Variants in BRINP2 observed in about 807,000 individuals in gnomAD.
BRINP2 encodes BMP/retinoic acid-inducible neural-specific protein 2.
In BRINP2, 21 loss-of-function variants were observed where a neutral mutation model predicts 69.2. The observed-to-expected ratio is 0.30, with a 90% CI of 0.22 to 0.44. BRINP2 has a LOEUF of 0.44. BRINP2 is among the 20% of genes least tolerant of loss of function. The probability of loss-of-function intolerance (pLI) is 1.00; values close to 1 mark genes in which losing one functional copy is unlikely to be tolerated. For missense variants in BRINP2, 877 were observed against 986.0 expected (o/e 0.89, Z 1.48); for synonymous variants, 380 against 394.1 (o/e 0.96, Z 0.42).
rs1651663873 is a variant in BRINP2 at position 177,280,619 on chromosome 1, C to T, written c.1443C>T (p.Asn481=). ...ATAGCACACGCTGTGGGAGCTGCAACCCGGGCTATGTGCTGGCCCAGGGGC... is the reference window on the plus strand; with the variant it reads ...ATAGCACACGCTGTGGGAGCTGCAATCCGGGCTATGTGCTGGCCCAGGGGC... ...PDNSTRCGSC[N]PGYVLAQGLC... Residue 481 remains asparagine, a synonymous_variant, in exon 8 of 8, where the codon AAC becomes AAT. Coordinates refer to ENST00000361539, the MANE Select transcript of BRINP2 (RefSeq NM_021165.4). 6.2e-7 allele frequency: 1 copy of T among 1,614,032 alleles called. No individual in the cohort carries two copies. The highest frequency in any genetic ancestry group is 8.5e-7 in the Non-Finnish European group (1 of 1,180,010).
chr1:177,182,232 C>T (rs1015804893), intron 1 of BRINP2, among the ~76,000 whole-genome samples: 4 of 151,470 alleles, frequency 2.6e-5, no homozygotes, highest in Non-Finnish European at 4.4e-5. Flanking sequence ...GGCAACTCCC[C>T]ACCACCTCCA....
chr1:177,247,705 A>C (rs1558175630), intron 2 of BRINP2, among the ~76,000 whole-genome samples: 1 of 152,196 alleles, frequency 6.6e-6, no homozygotes, highest in Non-Finnish European at 1.5e-5. Context: ...CCTTACCCTG[A>C]CAGCCCACTC....
intron 1 of BRINP2, among the ~76,000 whole-genome samples, chr1:177,214,103 C>T (rs1202263849): frequency 2.6e-5 from 4 of 152,162 alleles, no homozygotes; most frequent in Non-Finnish European, 5.9e-5. Context: ...TCTAAGTCTA[C>T]AGTCTCACTT....
intron 1 of BRINP2, among the ~76,000 whole-genome samples, chr1:177,201,894 T>C (rs1648923638): frequency 6.6e-6 from 1 of 152,226 alleles, no homozygotes; most frequent in Non-Finnish European, 1.5e-5. Context: ...TATTGGTCTA[T>C]TCAGAGATTC....
At chr1:177,177,914 AGT>A (rs1271718454) in intron 1 of BRINP2, among the ~76,000 whole-genome samples, 2 of 152,234 alleles carry the variant, frequency 1.3e-5, no homozygotes, top group African/African-American at 2.4e-5. Context: ...AACTAAAATC[AGT>A]GTGCACCAAT....
chr1:177,195,468 G>A (rs1464815334), intron 1 of BRINP2, among the ~76,000 whole-genome samples: 1 of 150,738 alleles, frequency 6.6e-6, no homozygotes, highest in East Asian at 1.9e-4. Context: ...CCAGCGCCCT[G>A]CCTTTCCTTT....
At chr1:177,181,476 G>T (rs1648246338) in intron 1 of BRINP2, among the ~76,000 whole-genome samples, 1 of 152,220 alleles carries the variant, frequency 6.6e-6, no homozygotes, top group Non-Finnish European at 1.5e-5. Context: ...AGGCTGCCGG[G>T]CTGAGAGCGC....
intron 1 of BRINP2, among the ~76,000 whole-genome samples, chr1:177,224,750 G>A (rs1649645134): frequency 6.6e-6 from 1 of 152,168 alleles, no homozygotes. Flanking sequence ...GTTAAAAAGA[G>A]TGATTTTATT....
intron 1 of BRINP2, among the ~76,000 whole-genome samples, chr1:177,178,272 T>G (rs1311951940): frequency 6.6e-6 from 1 of 152,196 alleles, no homozygotes; most frequent in Non-Finnish European, 1.5e-5. Flanking sequence ...AATTTGACCA[T>G]GCTTTTCCTC....
Position 177,281,555 on chromosome 1 carries a change from AG to A in BRINP2, c.*29del, listed in dbSNP as rs1651703638. The stretch of plus-strand genomic sequence containing the variant: ...GGGCGGCCCACTTCAGCACTGGGCA[AG>A]GAGGGGATCCATGAATCTGGGGTAC... On this transcript the variant is annotated 3_prime_UTR_variant, in exon 8 of 8. Coordinates refer to ENST00000361539, the MANE Select transcript of BRINP2 (RefSeq NM_021165.4). 6.4e-7 allele frequency: 1 copy of A among 1,560,516 alleles called. No individual in the cohort carries two copies.
intron 4 of BRINP2, among the ~76,000 whole-genome samples, chr1:177,272,106 C>T (rs113704742): frequency 6.6e-6 from 1 of 152,188 alleles, no homozygotes; most frequent in Non-Finnish European, 1.5e-5. Flanking sequence ...GTCCCTTCTC[C>T]TTTTCCTTGT....
At chr1:177,181,940 C>A (rs373445087) in intron 1 of BRINP2, among the ~76,000 whole-genome samples, 49 of 152,320 alleles carry the variant, frequency 3.2e-4, no homozygotes, top group Admixed American at 5.2e-4. Context: ...GAGGAGTGGC[C>A]GGTACCTTTC....
chr1:177,195,750 G>A (rs143892456), intron 1 of BRINP2, among the ~76,000 whole-genome samples: 7 of 151,976 alleles, frequency 4.6e-5, no homozygotes, highest in Non-Finnish European at 8.8e-5. Flanking sequence ...TTGAGCAGCC[G>A]GAGAACAAAA....
chr1:177,256,628 G>A, intron 3 of BRINP2: 1 of 985,416 alleles, frequency 1.0e-6, no homozygotes. Flanking sequence ...CCCAGGGCAG[G>A]ATCAAAATCT....
chr1:177,204,329 C>G (rs374951505), intron 1 of BRINP2, among the ~76,000 whole-genome samples: 271 of 152,064 alleles, frequency 1.8e-3, no homozygotes, highest in African/African-American at 6.3e-3. Context: ...TGCTCTGTGG[C>G]TAACTGCCTT....
intron 3 of BRINP2, 178 bp downstream of exon 3, chr1:177,256,287 A>T: frequency 2.0e-6 from 2 of 979,134 alleles, no homozygotes; most frequent in Non-Finnish European, 1.2e-6. Context: ...ACCCCAGAAC[A>T]TCTCTATTTA....
intron 1 of BRINP2, among the ~76,000 whole-genome samples, chr1:177,203,644 C>A (rs531883457): frequency 6.6e-6 from 1 of 152,082 alleles, no homozygotes; most frequent in South Asian, 2.1e-4. Flanking sequence ...AAGTGGGGAC[C>A]AATAAACCAT....
intron 2 of BRINP2, among the ~76,000 whole-genome samples, chr1:177,239,224 C>T (rs924098165): frequency 9.2e-5 from 14 of 152,184 alleles, no homozygotes; most frequent in Non-Finnish European, 1.8e-4. Flanking sequence ...CCCTGTCATT[C>T]GTTCTCTCTT....
intron 1 of BRINP2, 106 bp from the exon 2 acceptor site, chr1:177,229,695 T>C (rs1188339371): frequency 5.4e-6 from 4 of 737,638 alleles, no homozygotes; most frequent in South Asian, 2.7e-5. Context: ...GTTATGTTAC[T>C]AGCATAAAGG....
Sources: gnomAD v4.1 joint callset for allele counts (sites outside exome capture counted in the v4.1 genomes callset) on GRCh38, gnomAD v4.1.1 for gene constraint, MANE v1.5 for transcripts, NCBI Gene and HGNC (gene_info 2026-07-23, HGNC 2026-07-21) for gene names.